CACNA1B: variants seen among roughly 807,000 people sequenced by gnomAD.
CACNA1B encodes the protein voltage-dependent N-type calcium channel subunit alpha-1B.
A neutral mutation model predicts 247.2 loss-of-function variants in CACNA1B; 70 were observed. The ratio of observed to expected loss-of-function variants is 0.28; its 90% CI spans 0.23 to 0.35. The LOEUF (loss-of-function observed/expected upper bound fraction) is 0.35, where lower values mean the gene tolerates loss of function less well. Ranked by LOEUF, CACNA1B falls within the 10% of genes least tolerant of loss-of-function variation. The pLI, the probability that CACNA1B is intolerant of heterozygous loss-of-function variation, is 1.00. For synonymous variants in CACNA1B, 1,231 were observed against 1,294.4 expected, an observed-to-expected ratio of 0.95 and a Z score of 1.05; for missense variants, 2,367 against 3,197.4, an observed-to-expected ratio of 0.74 and a Z score of 6.26.
At chr9:138,013,694 C>T (rs1313345828) in intron 18 of CACNA1B, among the ~76,000 whole-genome samples, 4 of 152,238 alleles carry the variant, frequency 2.6e-5, no homozygotes, top group African/African-American at 9.6e-5. Context: ...GGTACTGGGA[C>T]AGATGTTAGA....
intron 18 of CACNA1B, among the ~76,000 whole-genome samples, chr9:138,017,478 T>G (rs1299070171): frequency 6.6e-6 from 1 of 152,218 alleles, no homozygotes; most frequent in Admixed American, 6.5e-5. Flanking sequence ...CTCACTCCGG[T>G]GTCTCGAGTG....
rs935977954 is a variant in CACNA1B, at chr9:138,020,728, G to C, written c.2268-2283G>C. 2.6e-5 allele frequency among the ~76,000 whole-genome samples: 4 copies of C among 152,302 alleles called. No individual in the cohort carries two copies. The highest frequency in any genetic ancestry group is 9.6e-5 in the African/African-American group (4 of 41,568). ...CATGTTGCTCTGCCTGGGTGGTCAC[G>C]GGGGAGCCTGCCAGCCTGACAGCGC... On this transcript the variant is annotated intron_variant, in intron 18 of 46. Coordinates refer to ENST00000371372, the MANE Select transcript of CACNA1B (RefSeq NM_000718.4). This position sits in a 1 kb window ranked among gnomAD's most constrained non-coding sequence, Gnocchi z 4.1.
chr9:138,047,239 G>A lies in CACNA1B; in HGVS notation c.3544-160G>A, dbSNP rs188133692. ...CGGCAGAGGGGGCCTGTTCCCAGAC[G>A]GTGCTTGTCAGAGACCCCCTTCCCA... On this transcript the variant is annotated intron_variant, in intron 22 of 46. Transcript: ENST00000371372. Among the ~76,000 whole-genome samples, 223 of 152,278 alleles carry A rather than the reference G, an allele frequency of 1.5e-3. 1 individual carries two copies. The highest frequency in any genetic ancestry group is 2.8e-3 in the Admixed American group (43 of 15,294).
rs1010966572 is a variant in CACNA1B, at chr9:137,880,270, G to A, written c.390+1111G>A. Among the ~76,000 whole-genome samples, 1 of 152,166 alleles carries A rather than the reference G, an allele frequency of 6.6e-6. No individual in the cohort carries two copies. Among genetic ancestry groups the A allele is most frequent in the African/African-American group, 2.4e-5 (1 of 41,430 alleles). ...GTCTTAATGGAGCACAGTCTGGAAT[G>A]CCCAGTGGTCTGGGTTACGGCCGGG... is the stretch of plus-strand genomic sequence containing the variant. On this transcript the variant is annotated intron_variant, in intron 2 of 46. Transcript: ENST00000371372. This position sits in a 1 kb window ranked among gnomAD's most constrained non-coding sequence, Gnocchi z 4.8.
Position 138,023,561 on chromosome 9 carries a change from C to A in CACNA1B, c.2818C>A (p.His940Asn). The A allele has an allele frequency of 9.2e-7, 1 of 1,090,948 alleles. No homozygotes were observed. 67.6% of individuals were successfully genotyped at this position (1,090,948 alleles called of 1,614,324 possible). A position where few individuals can be genotyped will look rare whatever the true frequency, so the allele number is the denominator to read the frequency against. ...GCCCCGACGCCACCGCGCGCACCGG[C>A]ACCAGGATCCGAGCAAGGAGTGCGC... Reference protein sequence around the residue: ...REPRRHRAHRHQDPSKECAGA... With the variant: ...REPRRHRAHRNQDPSKECAGA... The change falls in exon 19 of 47, where the codon CAC becomes AAC. Residue 940 changes from histidine to asparagine, a missense_variant. Physicochemically the swap from His to Asn is moderately conservative, Grantham distance 68 (BLOSUM62 1). This residue lies in a region of CACNA1B where 631 missense variants were observed against 631.1 expected (regional missense o/e 1.00). Coordinates refer to ENST00000371372, the MANE Select transcript of CACNA1B (RefSeq NM_000718.4).
At chr9:137,963,571 G>A (rs762309968) in intron 10 of CACNA1B, among the ~76,000 whole-genome samples, 10 of 152,122 alleles carry the variant, frequency 6.6e-5, no homozygotes, top group South Asian at 2.1e-4. Flanking sequence ...TAATTTTTTT[G>A]TATTTTTAGT....
At chr9:137,984,678 G>A (rs1166440718) in intron 13 of CACNA1B, among the ~76,000 whole-genome samples, 1 of 152,184 alleles carries the variant, frequency 6.6e-6, no homozygotes, top group Non-Finnish European at 1.5e-5. Flanking sequence ...TGTGCACCCT[G>A]CCATGGTCCT....
In CACNA1B at chr9:138,025,737, G is replaced by T. The variant is rs528619582; in HGVS notation, c.3286+565G>T. Among the ~76,000 whole-genome samples the T allele has an allele frequency of 3.9e-5, 6 of 152,298 alleles. No individual in the cohort carries two copies. In the South Asian group the frequency reaches 1.2e-3, roughly 32 times the overall value. ...GAACAGCCTTTCCATGCCTGCCTGTGTGCAGTCCCTGAGGGCACAGGGGAC... is the reference window on the plus strand; with the variant it reads ...GAACAGCCTTTCCATGCCTGCCTGTTTGCAGTCCCTGAGGGCACAGGGGAC... On this transcript the variant is annotated intron_variant, in intron 20 of 46. Transcript: ENST00000371372.
intron 31 of CACNA1B, among the ~76,000 whole-genome samples, chr9:138,069,153 G>A (rs1564270640): frequency 6.6e-6 from 1 of 152,220 alleles, no homozygotes; most frequent in African/African-American, 2.4e-5. Flanking sequence ...CCATCGTGTG[G>A]ACTGGTGGTG....
chr9:138,013,736 A>G (rs1215450314), intron 18 of CACNA1B, among the ~76,000 whole-genome samples: 1 of 152,256 alleles, frequency 6.6e-6, no homozygotes, highest in Non-Finnish European at 1.5e-5. Context: ...TGCGTATTCC[A>G]TAGAACCATA....
rs1167030373 is a variant in CACNA1B, at chr9:138,052,213, A to G, written c.3807+25A>G. ...GGTTAGAGCCTGGAGTTGGGGCTTG[A>G]GGGATGTGCTGTGTGTGTGTGCGTG... On this transcript the variant is annotated intron_variant, in intron 25 of 46. Coordinates refer to ENST00000371372, the MANE Select transcript of CACNA1B (RefSeq NM_000718.4). This position sits in a 1 kb window ranked among gnomAD's most constrained non-coding sequence, Gnocchi z 5.1. The G allele has an allele frequency of 1.5e-6, 2 of 1,319,386 alleles. No homozygotes were observed. The highest frequency in any genetic ancestry group is 5.0e-5 in the East Asian group (2 of 39,940). The allele number at this position is 1,319,386 out of a possible 1,614,324, so 81.7% of individuals were successfully genotyped here. A position where few individuals can be genotyped will look rare whatever the true frequency, so the allele number is the denominator to read the frequency against.
chr9:137,981,604 G>A (rs1958294395), intron 12 of CACNA1B, among the ~76,000 whole-genome samples: 1 of 152,152 alleles, frequency 6.6e-6, no homozygotes, highest in African/African-American at 2.4e-5. Context: ...AGCCTCCTGA[G>A]TAGCTGAGAT....
At chr9:137,916,173 C>T (rs969645110) in intron 5 of CACNA1B, among the ~76,000 whole-genome samples, 3 of 151,712 alleles carry the variant, frequency 2.0e-5, no homozygotes, top group African/African-American at 7.3e-5. Context: ...GCTGGGATTA[C>T]ATGCCCATGG....
At chr9:138,040,700 T>C in intron 20 of CACNA1B, 1 of 214,986 alleles carries the variant, frequency 4.7e-6, no homozygotes, top group Admixed American at 4.9e-5. Flanking sequence ...CTTTTCACAT[T>C]TGTCTGGTTG....
chr9:137,983,258 C>G (rs1199452416), intron 12 of CACNA1B, among the ~76,000 whole-genome samples: 1 of 152,236 alleles, frequency 6.6e-6, no homozygotes, highest in Non-Finnish European at 1.5e-5. Context: ...GAGAATTACA[C>G]ACATGAAGAA....
At chr9:137,993,670 G>T (rs910039327) in intron 15 of CACNA1B, among the ~76,000 whole-genome samples, 2 of 152,132 alleles carry the variant, frequency 1.3e-5, no homozygotes, top group Non-Finnish European at 2.9e-5. Context: ...ACCCTGAACA[G>T]ACCAGTAACG....
At chr9:138,032,124 T>C (rs976274576) in intron 20 of CACNA1B, among the ~76,000 whole-genome samples, 45 of 152,222 alleles carry the variant, frequency 3.0e-4, no homozygotes, top group African/African-American at 1.1e-3. Flanking sequence ...TTAGAATTCC[T>C]TTTATCTGTA....
chr9:137,924,097 T>C (rs1957522580), intron 6 of CACNA1B, among the ~76,000 whole-genome samples: 1 of 152,242 alleles, frequency 6.6e-6, no homozygotes. Context: ...ATGGAACAAA[T>C]GTTTTTAAAA....
Position 137,986,904 on chromosome 9 carries a change from C to T in CACNA1B, c.1974+50C>T, listed in dbSNP as rs1462086345. 7.3e-7 allele frequency: 1 copy of T among 1,365,990 alleles called. No homozygotes were observed. Among genetic ancestry groups the T allele is most frequent in the East Asian group, 2.3e-5 (1 of 43,594 alleles). The allele number at this position is 1,365,990 out of a possible 1,614,324, so 84.6% of individuals were successfully genotyped here. A position where few individuals can be genotyped will look rare whatever the true frequency, so the allele number is the denominator to read the frequency against. On this transcript the variant is annotated intron_variant, in intron 15 of 46. Transcript: ENST00000371372. The surrounding 1 kb of genome is among the most constrained non-coding windows in gnomAD (Gnocchi z 6.0). ...GCGGCCTGCCCGGCTCCCGTCTCCC[C>T]TGGGTGCTGGGAAGGCGGACTCTCC... is the stretch of plus-strand genomic sequence containing the variant.
Sources: allele counts gnomAD v4.1 joint callset (sites outside exome capture counted in the v4.1 genomes callset), GRCh38; gene constraint gnomAD v4.1.1; regional missense constraint gnomAD v4.1.1; non-coding constraint Gnocchi (gnomAD v3.1); transcripts MANE v1.5; gene names NCBI Gene and HGNC (gene_info 2026-07-23, HGNC 2026-07-21).